Variants in ZFHX3 observed in about 807,000 individuals in gnomAD.
ZFHX3 encodes the protein zinc finger homeobox 3.
A neutral mutation model predicts 279.1 loss-of-function variants in ZFHX3; 42 were observed. That is an observed-to-expected ratio of 0.15 (90% confidence interval 0.12 to 0.19). The LOEUF is 0.19. Ranked by LOEUF, ZFHX3 falls within the 10% of genes least tolerant of loss-of-function variation. ZFHX3 has a pLI of 1.00. For missense variants in ZFHX3, 4,981 were observed against 4,754.0 expected, an observed-to-expected ratio of 1.05 and a Z score of -1.40; for synonymous variants, 2,293 against 1,957.8, an observed-to-expected ratio of 1.17 and a Z score of -4.52.
Position 72,811,628 on chromosome 16 carries a change from G to A in ZFHX3, c.3813C>T (p.Leu1271=), listed in dbSNP as rs755345814. 2.5e-6 allele frequency: 4 copies of A among 1,612,664 alleles called. No individual in the cohort carries two copies. In the Admixed American group the frequency reaches 6.7e-5, roughly 27 times the overall value. ...CAGGTGCCACGCTGTGGAGGTGGGT[G>A]AGGTGCAGCTGGAGGTGGATCTTGT... ...LNNKIHLQLH[L]THLHSVAPDC... Residue 1271 remains leucine (L), a synonymous_variant, in exon 7 of 10, where the codon CTC becomes CTT. Coordinates refer to ENST00000268489, the MANE Select transcript of ZFHX3 (RefSeq NM_006885.4).
intron 1 of ZFHX3, among the ~76,000 whole-genome samples, chr16:73,729,774 T>G (rs928540267): frequency 5.9e-5 from 9 of 152,100 alleles, no homozygotes; most frequent in African/African-American, 2.2e-4. Context: ...TTGAGGGTGG[T>G]CTCCTTTGTC....
chr16:73,780,718 A>G (rs1033927022), intron 1 of ZFHX3, among the ~76,000 whole-genome samples: 3 of 152,236 alleles, frequency 2.0e-5, no homozygotes, highest in African/African-American at 7.2e-5. Flanking sequence ...CTGGGATTAC[A>G]GGCACGAGCC....
intron 3 of ZFHX3, among the ~76,000 whole-genome samples, chr16:73,369,269 G>A (rs944701813): frequency 6.6e-6 from 1 of 152,166 alleles, no homozygotes; most frequent in Non-Finnish European, 1.5e-5. Flanking sequence ...AGGTCTAGGC[G>A]CAGAACTGGC....
intron 1 of ZFHX3, among the ~76,000 whole-genome samples, chr16:73,712,617 C>T (rs1275495198): frequency 1.3e-5 from 2 of 152,132 alleles, no homozygotes; most frequent in Admixed American, 1.3e-4. Flanking sequence ...GGCAGGTGGC[C>T]ATGTCTGGAA....
chr16:73,483,567 T>C (rs2018912230), intron 2 of ZFHX3: 1 of 340,190 alleles, frequency 2.9e-6, no homozygotes, highest in Non-Finnish European at 5.7e-6. Context: ...GTCAGCTGCC[T>C]ACAAGGGCCT....
intron 1 of ZFHX3, among the ~76,000 whole-genome samples, chr16:73,709,503 T>C (rs1300346155): frequency 6.6e-6 from 1 of 152,150 alleles, no homozygotes; most frequent in Non-Finnish European, 1.5e-5. Flanking sequence ...CTGGAGGGTA[T>C]TATGCTGAGT....
intron 4 of ZFHX3, among the ~76,000 whole-genome samples, chr16:73,295,787 G>A (rs1190814990): frequency 6.6e-6 from 1 of 152,214 alleles, no homozygotes; most frequent in African/African-American, 2.4e-5. Flanking sequence ...GGGGACAAGG[G>A]ATGGTAAGGA....
chr16:73,599,743 A>AAAC (rs1263253437), intron 2 of ZFHX3, among the ~76,000 whole-genome samples: 1 of 151,166 alleles, frequency 6.6e-6, no homozygotes, highest in Non-Finnish European at 1.5e-5. Context: ...AAAAAAAAAA[A>AAAC]AAACAACAAC....
At chr16:73,428,179 C>A (rs1315945663) in intron 3 of ZFHX3, among the ~76,000 whole-genome samples, 4 of 152,148 alleles carry the variant, frequency 2.6e-5, no homozygotes, top group Admixed American at 1.3e-4. Context: ...TTTGTCCAGG[C>A]CTGCGGGAGC....
intron 3 of ZFHX3, among the ~76,000 whole-genome samples, chr16:72,949,171 C>A (rs967217066): frequency 1.3e-5 from 2 of 152,216 alleles, no homozygotes; most frequent in Non-Finnish European, 2.9e-5. Context: ...CCGGCAGAGG[C>A]CGACATGGGC....
At chr16:73,543,132 C>T (rs111458744) in intron 2 of ZFHX3, among the ~76,000 whole-genome samples, 1 of 152,108 alleles carries the variant, frequency 6.6e-6, no homozygotes, top group Non-Finnish European at 1.5e-5. Context: ...TCTAACAGAG[C>T]GCACACAGGT....
intron 3 of ZFHX3, among the ~76,000 whole-genome samples, chr16:73,338,744 T>G (rs1597291187): frequency 6.6e-6 from 1 of 152,218 alleles, no homozygotes; most frequent in African/African-American, 2.4e-5. Flanking sequence ...TTTGGATGTG[T>G]GTCCCTGCTC....
At chr16:73,680,190 T>C (rs1184213250) in exon 2 of ZFHX3, 1 of 152,160 alleles carries the variant, frequency 6.6e-6, no homozygotes, top group Non-Finnish European at 1.5e-5. Context: ...CAAAGTAAAA[T>C]TTCTTCGACT....
chr16:73,046,364 A>C (rs1597132605), intron 1 of ZFHX3, among the ~76,000 whole-genome samples: 2 of 152,168 alleles, frequency 1.3e-5, no homozygotes, highest in South Asian at 2.1e-4. Flanking sequence ...GAGCAGACTC[A>C]TGTTTCTTGC....
intron 5 of ZFHX3, among the ~76,000 whole-genome samples, chr16:73,158,017 A>G (rs562419634): frequency 3.9e-5 from 6 of 152,204 alleles, no homozygotes; most frequent in Non-Finnish European, 7.3e-5. Flanking sequence ...CAGGAAAAAA[A>G]AAATGAGACA....
intron 1 of ZFHX3, among the ~76,000 whole-genome samples, chr16:73,728,658 G>A (rs1038864): frequency 0.76 from 115,540 of 152,026 alleles, 44,943 homozygotes; most frequent in East Asian, 0.86. Context: ...CAGCCCAGCT[G>A]AGGAACTGGG....
chr16:72,807,442 G>C (rs1245605966), intron 7 of ZFHX3: 1 of 152,236 alleles, frequency 6.6e-6, no homozygotes, highest in Non-Finnish European at 1.5e-5. Flanking sequence ...TCATCAGTAA[G>C]AAGGGGGCCC....
chr16:73,699,812 G>A (rs1487265616), intron 1 of ZFHX3, among the ~76,000 whole-genome samples: 18 of 152,268 alleles, frequency 1.2e-4, no homozygotes, highest in East Asian at 5.8e-4. Context: ...TAGGGCCACC[G>A]TAACAGTTCC....
intron 1 of ZFHX3, among the ~76,000 whole-genome samples, chr16:73,872,500 G>A (rs1421071905): frequency 6.6e-6 from 1 of 151,864 alleles, no homozygotes; most frequent in Non-Finnish European, 1.5e-5. Context: ...CTCCCAAATT[G>A]CTGGGATTAC....
Sources: allele counts gnomAD v4.1 joint callset (sites outside exome capture counted in the v4.1 genomes callset), GRCh38; gene constraint gnomAD v4.1.1; transcripts MANE v1.5; gene names NCBI Gene and HGNC (gene_info 2026-07-23, HGNC 2026-07-21).